Variants in KCNIP4 observed in about 807,000 individuals in gnomAD.
KCNIP4 encodes potassium voltage-gated channel interacting protein 4.
KCNIP4 carries 12 observed loss-of-function variants against 34.0 expected under a neutral mutation model. The observed-to-expected ratio is 0.35, with a 90% CI of 0.23 to 0.57. The LOEUF (loss-of-function observed/expected upper bound fraction) is 0.57, where lower values mean the gene tolerates loss of function less well. KCNIP4 is among the 20% of genes least tolerant of loss of function. The pLI is 0.83. For missense variants in KCNIP4, 238 were observed against 311.7 expected (o/e 0.76, Z 1.78); for synonymous variants, 124 against 102.2 (o/e 1.21, Z -1.29).
At chr4:20,969,555 TTTG>T (rs1560610154) in intron 1 of KCNIP4, among the ~76,000 whole-genome samples, 1 of 149,298 alleles carries the variant, frequency 6.7e-6, no homozygotes, top group African/African-American at 2.6e-5. Context: ...TGCGTGTGTG[TTTG>T]TGTGTGTGTG....
intron 1 of KCNIP4, among the ~76,000 whole-genome samples, chr4:20,964,373 A>G (rs1017080372): frequency 1.3e-5 from 2 of 152,220 alleles, no homozygotes; most frequent in African/African-American, 4.8e-5. Flanking sequence ...AACACAGTTA[A>G]AGTATGTGGT....
At chr4:21,576,482 C>A (rs1740749806) in intron 1 of KCNIP4, among the ~76,000 whole-genome samples, 1 of 152,050 alleles carries the variant, frequency 6.6e-6, no homozygotes, top group Non-Finnish European at 1.5e-5. Context: ...ATTTTGGATA[C>A]CAAAGTAGAA....
intron 1 of KCNIP4, among the ~76,000 whole-genome samples, chr4:21,520,991 T>C (rs1169729700): frequency 2.0e-5 from 3 of 152,150 alleles, no homozygotes; most frequent in Non-Finnish European, 4.4e-5. Context: ...TGTTGAAGCA[T>C]AGAATTGGGC....
intron 1 of KCNIP4, among the ~76,000 whole-genome samples, chr4:21,472,140 G>C (rs932772900): frequency 6.6e-6 from 1 of 152,162 alleles, no homozygotes; most frequent in Non-Finnish European, 1.5e-5. Context: ...TGGCTGCCCA[G>C]TCAGGGACTA....
intron 1 of KCNIP4, among the ~76,000 whole-genome samples, chr4:21,103,507 T>C (rs879740851): frequency 2.0e-5 from 3 of 150,956 alleles, no homozygotes; most frequent in African/African-American, 4.9e-5. Context: ...AAAACTTAAA[T>C]CAGTGGAGAC....
intron 1 of KCNIP4, among the ~76,000 whole-genome samples, chr4:21,409,523 AT>A (rs1262688660): frequency 3.9e-5 from 6 of 152,352 alleles, no homozygotes; most frequent in East Asian, 1.9e-4. Flanking sequence ...GGTAAAAAAA[AT>A]ACTGCAACAT....
At chr4:21,608,012 GC>G (rs1345500299) in intron 1 of KCNIP4, among the ~76,000 whole-genome samples, 1 of 152,110 alleles carries the variant, frequency 6.6e-6, no homozygotes, top group Non-Finnish European at 1.5e-5. Flanking sequence ...TCTAATTCAG[GC>G]CCGGATGCTA....
At chr4:20,979,173 T>C (rs553787691) in intron 1 of KCNIP4, among the ~76,000 whole-genome samples, 1 of 152,308 alleles carries the variant, frequency 6.6e-6, no homozygotes, top group Admixed American at 6.5e-5. Flanking sequence ...AAAAAAGATA[T>C]TTAATAAAGC....
At chr4:21,207,082 CT>C (rs1429044763) in intron 1 of KCNIP4, among the ~76,000 whole-genome samples, 10 of 152,158 alleles carry the variant, frequency 6.6e-5, no homozygotes, top group African/African-American at 2.4e-4. Flanking sequence ...AGACACCCCC[CT>C]GGTTAGTCAG....
intron 1 of KCNIP4, among the ~76,000 whole-genome samples, chr4:21,611,069 T>C (rs1007046674): frequency 1.1e-4 from 16 of 152,036 alleles, no homozygotes; most frequent in African/African-American, 3.9e-4. Context: ...ACATGTGGTG[T>C]TTGGTTTTCT....
chr4:21,198,275 C>T (rs1577873235), intron 1 of KCNIP4, among the ~76,000 whole-genome samples: 4 of 152,268 alleles, frequency 2.6e-5, no homozygotes, highest in African/African-American at 9.6e-5. Context: ...AAAAATTTTA[C>T]CCCTGAGAGT....
chr4:21,917,757 T>C (rs1332889503), intron 1 of KCNIP4, among the ~76,000 whole-genome samples: 2 of 152,198 alleles, frequency 1.3e-5, no homozygotes, highest in African/African-American at 4.8e-5. Context: ...ATTAACAGTA[T>C]ATCTAATAAA....
In KCNIP4 at chr4:20,778,652, T is replaced by C. The variant is rs564017082; in HGVS notation, c.289-19762A>G. Among the ~76,000 whole-genome samples, 7 of 152,278 alleles carry C rather than the reference T, an allele frequency of 4.6e-5. No homozygotes were observed. The East Asian group carries it at 1.4e-3, about 29-fold the overall frequency. On this transcript the variant is annotated intron_variant, in intron 3 of 8. Coordinates refer to ENST00000382152, the MANE Select transcript of KCNIP4 (RefSeq NM_025221.6). The stretch of plus-strand genomic sequence containing the variant: ...ATGGCAACCTATTGTTATCTCAAAA[T>C]AACAAGTTTAATTTAAAAATATTGG...
intron 1 of KCNIP4, among the ~76,000 whole-genome samples, chr4:21,935,582 G>C (rs1295811230): frequency 1.3e-5 from 2 of 151,952 alleles, no homozygotes; most frequent in African/African-American, 4.8e-5. Context: ...AGTCACCCCA[G>C]AGTGACCTCC....
At chr4:20,998,573 T>C (rs1480614890) in intron 1 of KCNIP4, among the ~76,000 whole-genome samples, 1 of 152,254 alleles carries the variant, frequency 6.6e-6, no homozygotes, top group Non-Finnish European at 1.5e-5. Context: ...TAAGAGAAAG[T>C]AGATCTGAGG....
At chr4:21,077,618 A>G (rs1294349543) in intron 1 of KCNIP4, among the ~76,000 whole-genome samples, 1 of 152,128 alleles carries the variant, frequency 6.6e-6, no homozygotes, top group African/African-American at 2.4e-5. Context: ...AATTTCTAAG[A>G]GCCTTCGTTG....
chr4:21,904,387 C>A (rs1245804020), intron 1 of KCNIP4, among the ~76,000 whole-genome samples: 2 of 152,160 alleles, frequency 1.3e-5, no homozygotes, highest in East Asian at 3.8e-4. Context: ...AAAGATATCC[C>A]ACAGGAACCA....
At chr4:21,209,986 C>T (rs528511422) in intron 1 of KCNIP4, among the ~76,000 whole-genome samples, 1 of 152,244 alleles carries the variant, frequency 6.6e-6, no homozygotes, top group African/African-American at 2.4e-5. Flanking sequence ...AGAAGCTCTT[C>T]CTCTGACAAC....
At chr4:21,515,972 G>T (rs1734724829) in intron 1 of KCNIP4, among the ~76,000 whole-genome samples, 1 of 152,076 alleles carries the variant, frequency 6.6e-6, no homozygotes, top group African/African-American at 2.4e-5. Context: ...AGAGAATGAG[G>T]TCTGTCTCTT....
Sources: gnomAD v4.1 joint callset for allele counts (sites outside exome capture counted in the v4.1 genomes callset) on GRCh38, gnomAD v4.1.1 for gene constraint, MANE v1.5 for transcripts, NCBI Gene and HGNC (gene_info 2026-07-23, HGNC 2026-07-21) for gene names.